Variants in PLCH2 observed in about 807,000 individuals in gnomAD.
The protein encoded by PLCH2 is phospholipase C eta 2, also known as 1-phosphatidylinositol 4,5-bisphosphate phosphodiesterase eta-2.
PLCH2 carries 98 observed loss-of-function variants against 134.7 expected under a neutral mutation model. The ratio of observed to expected loss-of-function variants is 0.73; its 90% CI spans 0.62 to 0.86. The LOEUF (loss-of-function observed/expected upper bound fraction) is 0.86. PLCH2 is among the 40% of genes least tolerant of loss of function. The pLI is 0.00. For synonymous variants in PLCH2, 974 were observed against 827.5 expected (o/e 1.18, Z -3.04); for missense variants, 1,994 against 1,986.6 (o/e 1.00, Z -0.07).
chr1:2,490,830 C>T (rs745995288), intron 10 of PLCH2, among the ~76,000 whole-genome samples: 3 of 152,248 alleles, frequency 2.0e-5, no homozygotes, highest in Non-Finnish European at 4.4e-5. Flanking sequence ...CAGGGAAGGG[C>T]GTCCAACCCA....
At position 2,487,231 on chromosome 1, in the gene PLCH2, T is replaced by C. The variant is rs373817416; in HGVS notation, c.969T>C (p.His323=). The C allele has an allele frequency of 2.0e-5, 32 of 1,606,364 alleles. 1 individual carries two copies. In the African/African-American group the frequency reaches 2.7e-4, roughly 13 times the overall value. ...ACATCTTCAACCCTGAGCACCACCA[T>C]GTGCACCAGGACATGACGCAGCCGC... ...AGDIFNPEHH[H]VHQDMTQPLS... Residue 323 remains histidine, a synonymous_variant, in exon 7 of 22, where the codon CAT becomes CAC. Coordinates refer to ENST00000378486, the MANE Select transcript of PLCH2 (RefSeq NM_014638.4).
intron 2 of PLCH2, among the ~76,000 whole-genome samples, chr1:2,450,438 A>G (rs940822022): frequency 6.6e-5 from 10 of 151,782 alleles, no homozygotes; most frequent in African/African-American, 2.4e-4. Context: ...GAACACAGAA[A>G]AGGAGCTCGT....
intron 15 of PLCH2, 24 bp downstream of exon 15, chr1:2,497,034 G>A (rs755044606): frequency 3.1e-6 from 5 of 1,604,502 alleles, no homozygotes; most frequent in Non-Finnish European, 3.4e-6. Flanking sequence ...TGGTGCGCTG[G>A]GTGTGGTGGG....
At chr1:2,441,650 G>C (rs6659405) in intron 2 of PLCH2, among the ~76,000 whole-genome samples, 2 of 152,034 alleles carry the variant, frequency 1.3e-5, no homozygotes, top group African/African-American at 2.4e-5. Context: ...GGTCCCTGGT[G>C]TAGGGGTAAG....
At chr1:2,421,504 T>G (rs1182118233), upstream of PLCH2, among the ~76,000 whole-genome samples, 1 of 152,236 alleles carries the variant, frequency 6.6e-6, no homozygotes, top group African/African-American at 2.4e-5. Flanking sequence ...TCTAGCTTAC[T>G]GTGATCCACG....
upstream of PLCH2, among the ~76,000 whole-genome samples, chr1:2,472,852 GT>G (rs148775191): frequency 8.1e-3 from 1,237 of 152,260 alleles, 15 homozygotes; most frequent in African/African-American, 0.028. Context: ...GGCATGTGCA[GT>G]CCCCATGCCC....
Position 2,504,542 on chromosome 1 carries a change from C to T in PLCH2, c.3580C>T (p.Leu1194=), listed in dbSNP as rs1643429292. The T allele has an allele frequency of 1.2e-6, 2 of 1,612,528 alleles. No homozygotes were observed. The highest frequency in any genetic ancestry group is 8.5e-7 in the Non-Finnish European group (1 of 1,179,804). Residue 1194 remains leucine (L), a synonymous_variant, in exon 22 of 22, where the codon CTG becomes TTG. Transcript: ENST00000378486. ...CTCGGCTTCGGCTGCCCGCCCAGAC[C>T]TGCCACCTGTGACCAAGAGCAAATC... ...PHSASAARPD[L]PPVTKSKSNP...
At position 2,504,622 on chromosome 1, in the gene PLCH2, G is replaced by A; in HGVS notation, c.3660G>A (p.Gln1220=). The change falls in exon 22 of 22, where the codon CAG becomes CAA. Residue 1220 remains glutamine (Q), a synonymous_variant. Transcript: ENST00000378486. ...GGCCTCCCATACCTGACGAACTGCAGCCCAGGTCCCTGGCCCCAAGGATGG... is the reference window on the plus strand; with the variant it reads ...GGCCTCCCATACCTGACGAACTGCAACCCAGGTCCCTGGCCCCAAGGATGG... ...GQRPPIPDEL[Q]PRSLAPRMAG... The A allele has an allele frequency of 1.2e-6, 2 of 1,612,724 alleles. No individual in the cohort carries two copies. Among genetic ancestry groups the A allele is most frequent in the South Asian group, 2.2e-5 (2 of 91,090 alleles).
chr1:2,491,985 C>T lies in PLCH2; in HGVS notation c.1659+650C>T, dbSNP rs371634328. Among the ~76,000 whole-genome samples the T allele has an allele frequency of 4.9e-4, 75 of 152,240 alleles. No homozygotes were observed. In the South Asian group the frequency reaches 0.014, roughly 29 times the overall value. On this transcript the variant is annotated intron_variant, in intron 11 of 21. Coordinates refer to ENST00000378486, the MANE Select transcript of PLCH2 (RefSeq NM_014638.4). ...GCTGCGGGTGGGGCAGAGTGGGGAG[C>T]GTGGGTGGGCCCTACAGACCCTCCA... is the stretch of plus-strand genomic sequence containing the variant.
chr1:2,451,595 G>A (rs979713938), intron 2 of PLCH2, among the ~76,000 whole-genome samples: 7 of 152,170 alleles, frequency 4.6e-5, no homozygotes, highest in Non-Finnish European at 5.9e-5. Context: ...GGGCAGCCCT[G>A]TGGGAGTCTG....
At position 2,505,017 on chromosome 1, in the gene PLCH2, G is replaced by A. The variant is rs771996992; in HGVS notation, c.4055G>A (p.Arg1352Gln). 92 of 1,542,692 alleles carry A rather than the reference G, an allele frequency of 6.0e-5. No individual in the cohort carries two copies. The highest frequency in any genetic ancestry group is 7.3e-5 in the East Asian group (3 of 41,192). The change falls in exon 22 of 22, where the codon CGG becomes CAG. Residue 1352 changes from arginine (R) to glutamine (Q), a missense_variant. By Grantham distance (43) the Arg-to-Gln change is conservative. Transcript: ENST00000378486. ...AGCCGCGTGCGTGCCATTGCCAGCC[G>A]GGCCCGCCAGGCCCAGGAGCGGCAG... ...SHSRVRAIAS[R>Q]ARQAQERQQR... is the part of the protein sequence containing the mutation.
Position 2,479,985 on chromosome 1 carries a change from TG to T in PLCH2, c.515+11del, listed in dbSNP as rs773877911. ...CCAGCGCACCAGGGACCAATATCCTTGGGCACCTATCGGGCAATGCAGACCC... is the reference window on the plus strand; with the variant it reads ...CCAGCGCACCAGGGACCAATATCCTTGGCACCTATCGGGCAATGCAGACCC... On this transcript the variant is annotated intron_variant, in intron 3 of 21. Coordinates refer to ENST00000378486, the MANE Select transcript of PLCH2 (RefSeq NM_014638.4). 50 of 1,601,502 alleles carry T rather than the reference TG, an allele frequency of 3.1e-5. No homozygotes were observed. The East Asian group carries it at 4.3e-4, about 14-fold the overall frequency.
At position 2,502,176 on chromosome 1, in the gene PLCH2, G is replaced by A. The variant is rs765295327; in HGVS notation, c.2726G>A (p.Ser909Asn). The A allele has an allele frequency of 4.1e-5, 63 of 1,528,412 alleles. No homozygotes were observed. Among genetic ancestry groups the A allele is most frequent in the South Asian group, 2.7e-4 (22 of 82,164 alleles). 94.7% of individuals were successfully genotyped at this position (1,528,412 alleles called of 1,614,324 possible). A position where few individuals can be genotyped will look rare whatever the true frequency, so the allele number is the denominator to read the frequency against. The change falls in exon 21 of 22, where the codon AGT (serine) becomes AAT (asparagine). Residue 909 changes from serine to asparagine, a missense_variant. Transcript: ENST00000378486. ...LRGPKPGSLD[S>N]HAAGRPPARP... is the part of the protein sequence containing the mutation. ...GGCCCAAAGCCCGGCTCGCTGGACA[G>A]TCATGCTGCTGGGCGGCCCCCGGCC...
rs900663974 is a variant in PLCH2 at position 2,444,932 on chromosome 1, G to A, written c.115+14303G>A. Among the ~76,000 whole-genome samples the A allele has an allele frequency of 6.6e-6, 1 of 152,122 alleles. No individual in the cohort carries two copies. The highest frequency in any genetic ancestry group is 2.4e-5 in the African/African-American group (1 of 41,418). Reference sequence around the variant, plus strand: ...GTCTGATCCTAGAGACTCCTTCAGCGAGGTGCAGCCTCAGAGGGGATTCAG... The same window carrying A: ...GTCTGATCCTAGAGACTCCTTCAGCAAGGTGCAGCCTCAGAGGGGATTCAG... On this transcript the variant is annotated intron_variant, in intron 2 of 3. Coordinates refer to the PLCH2 transcript ENST00000609981. The surrounding 1 kb of genome is among the most constrained non-coding windows in gnomAD (Gnocchi z 4.6).
chr1:2,498,402 C>G lies in PLCH2; in HGVS notation c.2225-121C>G. 2.6e-6 allele frequency: 3 copies of G among 1,173,838 alleles called. No homozygotes were observed. In the East Asian group the frequency reaches 7.7e-5, roughly 30 times the overall value. The allele number at this position is 1,173,838 out of a possible 1,614,324, so 72.7% of individuals were successfully genotyped here. ...TGGACCACTGCCTCCCTCCCTCCCC[C>G]TGGCACCGGCTCCAGTCTCCTATGT... On this transcript the variant is annotated intron_variant, in intron 16 of 21. Transcript: ENST00000378486. The surrounding 1 kb of genome is among the most constrained non-coding windows in gnomAD (Gnocchi z 5.4).
intron 2 of PLCH2, among the ~76,000 whole-genome samples, chr1:2,434,027 T>C (rs563881934): frequency 2.6e-5 from 4 of 152,156 alleles, no homozygotes; most frequent in Non-Finnish European, 5.9e-5. Flanking sequence ...GCCATCAACA[T>C]CGCAGGAGGT....
At chr1:2,423,891 C>T (rs113388506), upstream of PLCH2, among the ~76,000 whole-genome samples, 49 of 152,212 alleles carry the variant, frequency 3.2e-4, no homozygotes, top group African/African-American at 7.9e-4. Context: ...CTCGTCGTGA[C>T]GCTGCCTGCA....
At chr1:2,459,725 C>T (rs911014856) in intron 2 of PLCH2, among the ~76,000 whole-genome samples, 7 of 152,176 alleles carry the variant, frequency 4.6e-5, no homozygotes, top group African/African-American at 1.7e-4. Context: ...GGTGGTCCTC[C>T]TTGCCTGTGG....
At chr1:2,432,696 C>T (rs1227704168) in intron 2 of PLCH2, among the ~76,000 whole-genome samples, 1 of 152,144 alleles carries the variant, frequency 6.6e-6, no homozygotes, top group Admixed American at 6.5e-5. Context: ...AGCCTTCACT[C>T]CTGATCCCTG....
Sources: gnomAD v4.1 joint callset for allele counts (sites outside exome capture counted in the v4.1 genomes callset) on GRCh38, gnomAD v4.1.1 for gene constraint, Gnocchi (gnomAD v3.1) non-coding constraint, MANE v1.5 for transcripts, NCBI Gene and HGNC (gene_info 2026-07-23, HGNC 2026-07-21) for gene names.